The following KIF1A variants were observed in gnomAD, a reference collection of about 807,000 sequenced individuals.
KIF1A encodes the protein kinesin family member 1A.
Under a neutral mutation model 227.3 loss-of-function variants are expected in KIF1A, and 46 were observed. The ratio of observed to expected loss-of-function variants is 0.20; its 90% CI spans 0.16 to 0.26. The LOEUF (loss-of-function observed/expected upper bound fraction) is 0.26, where lower values mean the gene tolerates loss of function less well. Among genes scored for constraint, KIF1A ranks in the 10% least tolerant of loss-of-function variants. KIF1A has a pLI of 1.00. For missense variants in KIF1A, 1,683 were observed against 2,485.9 expected, an observed-to-expected ratio of 0.68 and a Z score of 6.87; for synonymous variants, 1,022 against 1,012.8, an observed-to-expected ratio of 1.01 and a Z score of -0.17.
chr2:240,745,723 G>T lies in KIF1A; in HGVS notation c.3374+15C>A. 6.2e-7 allele frequency: 1 copy of T among 1,609,582 alleles called. No individual in the cohort carries two copies. Among genetic ancestry groups the T allele is most frequent in the Non-Finnish European group, 8.5e-7 (1 of 1,178,286 alleles). On this transcript the variant is annotated intron_variant, in intron 31 of 48. Transcript: ENST00000498729. Reference sequence around the variant, plus strand: ...CCCTGCGCAGCGCAGGGACACAAAGGCAGCAGGGCCTCACTTGAACTGGCA... The same window carrying T: ...CCCTGCGCAGCGCAGGGACACAAAGTCAGCAGGGCCTCACTTGAACTGGCA...
At position 240,775,671 on chromosome 2, in the gene KIF1A, G is replaced by A. The variant is rs757288520; in HGVS notation, c.958+180C>T. On this transcript the variant is annotated intron_variant, in intron 11 of 48. Coordinates refer to ENST00000498729, the MANE Select transcript of KIF1A (RefSeq NM_001244008.2). This position sits in a 1 kb window ranked among gnomAD's most constrained non-coding sequence, Gnocchi z 5.5. ...TCGCTTCGTTAACCCACTGCTGGCCGTTGCCCCAGGTCCTCCAGAAGGGCC... is the reference window on the plus strand; with the variant it reads ...TCGCTTCGTTAACCCACTGCTGGCCATTGCCCCAGGTCCTCCAGAAGGGCC... Among the ~76,000 whole-genome samples, 6 of 152,180 alleles carry A rather than the reference G, an allele frequency of 3.9e-5. No homozygotes were observed. Among genetic ancestry groups the A allele is most frequent in the South Asian group, 2.1e-4 (1 of 4,832 alleles).
At chr2:240,748,169 T>A (rs1443114181) in intron 28 of KIF1A, among the ~76,000 whole-genome samples, 1 of 152,178 alleles carries the variant, frequency 6.6e-6, no homozygotes, top group African/African-American at 2.4e-5. Context: ...TTTCCCAGTA[T>A]ATGACATGGG....
chr2:240,725,597 A>T lies in KIF1A; in HGVS notation c.4123-193T>A, dbSNP rs1008518872. 3 of 600,434 alleles carry T rather than the reference A, an allele frequency of 5.0e-6. No individual in the cohort carries two copies. The highest frequency in any genetic ancestry group is 8.6e-6 in the Non-Finnish European group (3 of 346,822). 37.2% of individuals were successfully genotyped at this position (600,434 alleles called of 1,614,324 possible). A position where few individuals can be genotyped will look rare whatever the true frequency, so the allele number is the denominator to read the frequency against. On this transcript the variant is annotated intron_variant, in intron 39 of 48. Transcript: ENST00000498729. The surrounding 1 kb of genome is among the most constrained non-coding windows in gnomAD (Gnocchi z 5.8). ...CCCTCGAGAAAACCCCACTGGGGAC[A>T]GGTAGCCACAGCTCTGTCCACCCCT...
intron 42 of KIF1A, among the ~76,000 whole-genome samples, chr2:240,722,970 C>T (rs1049210870): frequency 1.2e-4 from 18 of 152,180 alleles, no homozygotes; most frequent in Middle Eastern, 3.2e-3. Context: ...TGCTGGAGGC[C>T]TCAGGAGAGG....
intron 10 of KIF1A, among the ~76,000 whole-genome samples, chr2:240,779,233 C>A (rs1413022867): frequency 1.3e-5 from 2 of 149,706 alleles, no homozygotes; most frequent in Non-Finnish European, 1.5e-5. Flanking sequence ...CAGTTCCACA[C>A]TCAGTCCCTC....
intron 1 of KIF1A, among the ~76,000 whole-genome samples, chr2:240,819,585 C>A (rs2058578698): frequency 6.6e-6 from 1 of 152,010 alleles, no homozygotes; most frequent in Non-Finnish European, 1.5e-5. Context: ...GAGCAGCTGC[C>A]CGCGCCCGGC....
chr2:240,776,856 G>T (rs1031919407), intron 10 of KIF1A, among the ~76,000 whole-genome samples: 1 of 152,198 alleles, frequency 6.6e-6, no homozygotes, highest in African/African-American at 2.4e-5. Flanking sequence ...AGCTCACAAG[G>T]CACATAAAAT....
At chr2:240,803,945 C>G (rs1444357389) in intron 1 of KIF1A, among the ~76,000 whole-genome samples, 1 of 152,128 alleles carries the variant, frequency 6.6e-6, no homozygotes, top group Non-Finnish European at 1.5e-5. Context: ...TATGTGAAAT[C>G]AAAAATCAGT....
intron 37 of KIF1A, among the ~76,000 whole-genome samples, chr2:240,738,252 C>T (rs903312579): frequency 4.6e-5 from 7 of 152,214 alleles, no homozygotes; most frequent in African/African-American, 1.2e-4. Context: ...CCCATGAGCC[C>T]GCTGGTCTGG....
chr2:240,745,404 G>C (rs757630352), intron 32 of KIF1A, 23 bp downstream of exon 32: 4 of 1,574,078 alleles, frequency 2.5e-6, no homozygotes, highest in Non-Finnish European at 3.5e-6. Flanking sequence ...GGCAGGGATG[G>C]GGAGAAGTGC....
intron 38 of KIF1A, chr2:240,728,270 T>G: frequency 1.8e-6 from 1 of 540,982 alleles, no homozygotes; most frequent in East Asian, 6.9e-5. Context: ...CCTGGGAGAG[T>G]GAGGACAGCG....
rs1575638024 is a variant in KIF1A, at chr2:240,788,754, T to A, written c.183+482A>T. ...CCCTGGGGCTGTTATGGGGGGCAGG[T>A]GCTCAGAGATATAGATATGAGGGGC... is the stretch of plus-strand genomic sequence containing the variant. On this transcript the variant is annotated intron_variant, in intron 3 of 48. Coordinates refer to ENST00000498729, the MANE Select transcript of KIF1A (RefSeq NM_001244008.2). The surrounding 1 kb of genome is among the most constrained non-coding windows in gnomAD (Gnocchi z 6.6). 6.6e-6 allele frequency among the ~76,000 whole-genome samples: 1 copy of A among 151,904 alleles called. No homozygotes were observed. Among genetic ancestry groups the A allele is most frequent in the African/African-American group, 2.4e-5 (1 of 41,318 alleles).
chr2:240,805,661 G>A (rs1255413856), intron 1 of KIF1A, among the ~76,000 whole-genome samples: 3 of 127,692 alleles, frequency 2.3e-5, no homozygotes, highest in South Asian at 2.2e-4. Flanking sequence ...TGTGCCTCTC[G>A]CAGAAAATTA....
intron 2 of KIF1A, among the ~76,000 whole-genome samples, chr2:240,796,347 A>G (rs975876541): frequency 7.9e-5 from 12 of 152,194 alleles, no homozygotes; most frequent in African/African-American, 2.9e-4. Context: ...CGTTGTTGGA[A>G]AAGCACTGGC....
chr2:240,723,122 C>A (rs1003509464), intron 42 of KIF1A, among the ~76,000 whole-genome samples: 1 of 152,202 alleles, frequency 6.6e-6, no homozygotes, highest in Non-Finnish European at 1.5e-5. Context: ...CCCAGCCCCG[C>A]GACTCTCCTT....
chr2:240,749,045 G>C (rs2048918481), intron 28 of KIF1A, among the ~76,000 whole-genome samples: 1 of 151,794 alleles, frequency 6.6e-6, no homozygotes, highest in Non-Finnish European at 1.5e-5. Flanking sequence ...AGAATCGCTT[G>C]AACTGGGAGG....
rs927821744 is a variant in KIF1A at position 240,782,543 on chromosome 2, G to T, written c.882+47C>A. On this transcript the variant is annotated intron_variant, in intron 10 of 48. Coordinates refer to ENST00000498729, the MANE Select transcript of KIF1A (RefSeq NM_001244008.2). ...AGGGCGCCAATGCAGGGCAGACACC[G>T]CCACCAGCCTCCCGCACCTGCCCCG... The T allele has an allele frequency of 1.0e-5, 16 of 1,545,910 alleles. 1 individual carries two copies. The highest frequency in any genetic ancestry group is 1.4e-5 in the Non-Finnish European group (16 of 1,143,228).
intron 1 of KIF1A, 169 bp from the exon 2 acceptor site, chr2:240,797,981 A>G: frequency 2.1e-6 from 1 of 472,382 alleles, no homozygotes; most frequent in Non-Finnish European, 3.8e-6. Context: ...ATAATTCTAG[A>G]AAGCAGGAGC....
At position 240,788,066 on chromosome 2, in the gene KIF1A, C is replaced by T; in HGVS notation, c.348G>A (p.Gln116=). 1 of 1,576,296 alleles carries T rather than the reference C, an allele frequency of 6.3e-7. No individual in the cohort carries two copies. The highest frequency in any genetic ancestry group is 8.6e-7 in the Non-Finnish European group (1 of 1,160,696). ...TMMGKQEKDQ[Q]GIIPQLCEDL... Reference sequence around the variant, plus strand: ...CGCTTCGTGCCTGTGGGATGATGCCCTGCTGGTCCTTCTCCTGCTTGCCCA... The same window carrying T: ...CGCTTCGTGCCTGTGGGATGATGCCTTGCTGGTCCTTCTCCTGCTTGCCCA... The change falls in exon 4 of 49, where the codon CAG becomes CAA. Residue 116 remains glutamine (Q), a synonymous_variant. Coordinates refer to ENST00000498729, the MANE Select transcript of KIF1A (RefSeq NM_001244008.2). The surrounding 1 kb of genome is among the most constrained non-coding windows in gnomAD (Gnocchi z 6.6).
Sources: allele counts gnomAD v4.1 joint callset (sites outside exome capture counted in the v4.1 genomes callset), GRCh38; gene constraint gnomAD v4.1.1; non-coding constraint Gnocchi (gnomAD v3.1); transcripts MANE v1.5; gene names NCBI Gene and HGNC (gene_info 2026-07-23, HGNC 2026-07-21).